The following ZFYVE9 variants were observed in gnomAD, a reference collection of about 807,000 sequenced individuals.
ZFYVE9 encodes zinc finger FYVE-type containing 9.
A neutral mutation model predicts 126.7 loss-of-function variants in ZFYVE9; 43 were observed. The ratio of observed to expected loss-of-function variants is 0.34; its 90% confidence interval spans 0.27 to 0.44. The LOEUF (loss-of-function observed/expected upper bound fraction) is 0.44. ZFYVE9 is among the 20% of genes least tolerant of loss of function. The pLI is 1.00. For synonymous variants in ZFYVE9, 521 were observed against 597.4 expected (o/e 0.87, Z 1.87); for missense variants, 1,476 against 1,697.0 (o/e 0.87, Z 2.29).
At chr1:52,307,812 A>C (rs1368250223) in intron 13 of ZFYVE9, among the ~76,000 whole-genome samples, 1 of 143,450 alleles carries the variant, frequency 7.0e-6, no homozygotes, top group East Asian at 2.1e-4. Flanking sequence ...AGTGCAGTGG[A>C]GCGATCTCGG....
intron 1 of ZFYVE9, among the ~76,000 whole-genome samples, chr1:52,204,713 C>T (rs1038757491): frequency 1.3e-5 from 2 of 151,726 alleles, no homozygotes; most frequent in African/African-American, 2.4e-5. Flanking sequence ...GACAACAGAG[C>T]GAGACCCTGT....
intron 13 of ZFYVE9, among the ~76,000 whole-genome samples, chr1:52,318,247 A>G (rs1191941146): frequency 6.6e-6 from 1 of 152,210 alleles, no homozygotes; most frequent in African/African-American, 2.4e-5. Flanking sequence ...TTAACATTCA[A>G]AACTCATTCC....
In ZFYVE9 at chr1:52,303,770, A is replaced by G. The variant is rs531251796; in HGVS notation, c.3334-51A>G. 1.5e-5 allele frequency: 17 copies of G among 1,147,684 alleles called. 1 individual carries two copies. The South Asian group carries it at 3.3e-4, about 22-fold the overall frequency. The allele number at this position is 1,147,684 out of a possible 1,614,324, so 71.1% of individuals were successfully genotyped here. A position where few individuals can be genotyped will look rare whatever the true frequency, so the allele number is the denominator to read the frequency against. ...TGTTAATTTTATTACTATAAATTAA[A>G]CCCTACCATTGATGAATTAATTTAT... On this transcript the variant is annotated intron_variant, in intron 12 of 18. Transcript: ENST00000287727.
intron 7 of ZFYVE9, among the ~76,000 whole-genome samples, chr1:52,270,409 G>T (rs540861989): frequency 1.3e-5 from 2 of 151,936 alleles, no homozygotes; most frequent in Non-Finnish European, 2.9e-5. Context: ...GACAACAGGC[G>T]CCCGCCACCA....
At chr1:52,279,330 A>G (rs1038206314) in intron 9 of ZFYVE9, among the ~76,000 whole-genome samples, 4 of 152,214 alleles carry the variant, frequency 2.6e-5, no homozygotes, top group Non-Finnish European at 5.9e-5. Flanking sequence ...AACCTCAATT[A>G]TGGTGCAAAA....
At position 52,238,032 on chromosome 1, in the gene ZFYVE9, A is replaced by T. The variant is rs1238865405; in HGVS notation, c.615A>T (p.Lys205Asn). The change falls in exon 4 of 19, where the codon AAA (lysine) becomes AAT (asparagine). Residue 205 changes from lysine to asparagine, a missense_variant. Coordinates refer to ENST00000287727, the MANE Select transcript of ZFYVE9 (RefSeq NM_004799.4). The stretch of plus-strand genomic sequence containing the variant: ...TTAGTATAAATGAGTCCACTGAAAA[A>T]GATATGAATTCAGAGAAACAAATGG... Reference protein sequence around the residue: ...FSFSINESTEKDMNSEKQMDP... With the variant: ...FSFSINESTENDMNSEKQMDP... 1 of 1,613,858 alleles carries T rather than the reference A, an allele frequency of 6.2e-7. No homozygotes were observed. The highest frequency in any genetic ancestry group is 8.5e-7 in the Non-Finnish European group (1 of 1,179,936).
intron 6 of ZFYVE9, 59 bp downstream of exon 6, chr1:52,266,890 C>G: frequency 6.9e-7 from 1 of 1,448,962 alleles, no homozygotes; most frequent in Admixed American, 2.5e-5. Context: ...TGAAAAGGTG[C>G]TGATATGACT....
chr1:52,171,156 C>G (rs1644564705), intron 1 of ZFYVE9, among the ~76,000 whole-genome samples: 1 of 152,012 alleles, frequency 6.6e-6, no homozygotes, highest in African/African-American at 2.4e-5. Flanking sequence ...CCCCGCTCCC[C>G]CCACCCCACA....
In ZFYVE9 at chr1:52,183,774, A is replaced by G. The variant is rs1234806437; in HGVS notation, c.-142-32595A>G. Among the ~76,000 whole-genome samples, 3 of 152,010 alleles carry G rather than the reference A, an allele frequency of 2.0e-5. No individual in the cohort carries two copies. The East Asian group carries it at 5.8e-4, about 29-fold the overall frequency. On this transcript the variant is annotated intron_variant, in intron 1 of 18. Transcript: ENST00000287727. ...ACCCGCCTCGGCCTCCCGAAGTGCTAGGATTACTGGCGTGAGCCACCGCGT... is the reference window on the plus strand; with the variant it reads ...ACCCGCCTCGGCCTCCCGAAGTGCTGGGATTACTGGCGTGAGCCACCGCGT...
chr1:52,193,088 G>A (rs1644830188), intron 1 of ZFYVE9, among the ~76,000 whole-genome samples: 1 of 152,126 alleles, frequency 6.6e-6, no homozygotes, highest in Non-Finnish European at 1.5e-5. Flanking sequence ...CAGGCAGTCA[G>A]TGTCTAGAGC....
chr1:52,228,350 C>T (rs964315735), intron 2 of ZFYVE9, among the ~76,000 whole-genome samples: 3 of 152,120 alleles, frequency 2.0e-5, no homozygotes, highest in Non-Finnish European at 4.4e-5. Context: ...AAGTGCTAAA[C>T]TCTTTAAAAT....
intron 1 of ZFYVE9, among the ~76,000 whole-genome samples, chr1:52,164,039 C>T (rs1378902969): frequency 6.6e-6 from 1 of 152,038 alleles, no homozygotes; most frequent in Non-Finnish European, 1.5e-5. Context: ...GCAACCCCCG[C>T]CTCCTAGGCT....
chr1:52,143,875 C>T (rs565058445), intron 1 of ZFYVE9, among the ~76,000 whole-genome samples: 124 of 152,220 alleles, frequency 8.1e-4, no homozygotes, highest in Non-Finnish European at 1.5e-3. Flanking sequence ...GTGTTAGATG[C>T]TGTAGCCTTG....
chr1:52,345,041 C>A, intron 18 of ZFYVE9, 97 bp downstream of exon 18: 1 of 1,369,712 alleles, frequency 7.3e-7, no homozygotes. Flanking sequence ...GCTTAATTCT[C>A]CGACCTTCTG....
chr1:52,243,830 G>A (rs761082811), intron 4 of ZFYVE9, among the ~76,000 whole-genome samples: 9 of 152,050 alleles, frequency 5.9e-5, no homozygotes, highest in Non-Finnish European at 8.8e-5. Flanking sequence ...GGTCATGTAA[G>A]GAGCACAGTG....
At chr1:52,207,609 A>G (rs537504502) in intron 1 of ZFYVE9, among the ~76,000 whole-genome samples, 2 of 152,306 alleles carry the variant, frequency 1.3e-5, no homozygotes, top group African/African-American at 4.8e-5. Flanking sequence ...GGGTGTTCAT[A>G]TTCAAAGGGT....
chr1:52,292,290 AAAAAAAAAC>A (rs1266819777), intron 10 of ZFYVE9, among the ~76,000 whole-genome samples: 10 of 151,512 alleles, frequency 6.6e-5, no homozygotes, highest in African/African-American at 1.9e-4. Context: ...CTCAAAAAAA[AAAAAAAAAC>A]AAAACGAGAA....
intron 10 of ZFYVE9, among the ~76,000 whole-genome samples, chr1:52,289,784 A>T (rs1186551310): frequency 6.6e-6 from 1 of 152,188 alleles, no homozygotes; most frequent in Non-Finnish European, 1.5e-5. Context: ...TACATTTTTT[A>T]AAGTGATTAA....
intron 1 of ZFYVE9, among the ~76,000 whole-genome samples, chr1:52,188,142 C>T (rs916663847): frequency 5.9e-5 from 9 of 152,118 alleles, no homozygotes; most frequent in South Asian, 2.1e-4. Context: ...AATACTATGG[C>T]GCCATACAAA....
Sources: gnomAD v4.1 joint callset for allele counts (sites outside exome capture counted in the v4.1 genomes callset) on GRCh38, gnomAD v4.1.1 for gene constraint, MANE v1.5 for transcripts, NCBI Gene and HGNC (gene_info 2026-07-23, HGNC 2026-07-21) for gene names.